PTPRR: variants seen among roughly 807,000 people sequenced by gnomAD.
PTPRR encodes protein tyrosine phosphatase receptor type R, also known as receptor-type tyrosine-protein phosphatase R.
PTPRR carries 38 observed loss-of-function variants against 77.2 expected under a neutral mutation model. The ratio of observed to expected loss-of-function variants is 0.49; its 90% CI spans 0.38 to 0.65. PTPRR has a LOEUF of 0.65. PTPRR is among the 30% of genes least tolerant of loss of function. PTPRR has a pLI of 0.00. For synonymous variants in PTPRR, 299 were observed against 283.1 expected (o/e 1.06, Z -0.57); for missense variants, 744 against 799.2 (o/e 0.93, Z 0.83).
chr12:70,661,067 A>G lies in PTPRR; in HGVS notation c.1639T>C (p.Tyr547His). 6.2e-7 allele frequency: 1 copy of G among 1,612,520 alleles called. No homozygotes were observed. Among genetic ancestry groups the G allele is most frequent in the Non-Finnish European group, 8.5e-7 (1 of 1,179,228 alleles). ...TGATCAGGCCATGAGGTGTACCAGTAATGCTTCACATGTTGGGTGTGGCTT... is the reference window on the plus strand; with the variant it reads ...TGATCAGGCCATGAGGTGTACCAGTGATGCTTCACATGTTGGGTGTGGCTT... The part of the protein sequence containing the change: ...QGSHTQHVKH[Y>H]WYTSWPDHKT... The change falls in exon 12 of 14, where the codon TAC becomes CAC. Residue 547 changes from tyrosine (Y) to histidine (H), a missense_variant. This residue lies in a region of PTPRR where 170 missense variants were observed against 209.8 expected (regional missense o/e 0.81). Transcript: ENST00000283228.
In PTPRR at chr12:70,764,781, A is replaced by G. The variant is rs368679640; in HGVS notation, c.358-3T>C. On this transcript the variant is annotated splice_region_variant and splice_polypyrimidine_tract_variant and intron_variant, in intron 2 of 13. Transcript: ENST00000283228. ...TTGTTTACATCCATTTGCAGTGTCT[A>G]GAAAATAAGGACAAAAATAAATCCA... The G allele has an allele frequency of 1.2e-6, 2 of 1,603,064 alleles. No homozygotes were observed. The highest frequency in any genetic ancestry group is 1.7e-6 in the Non-Finnish European group (2 of 1,169,890).
At chr12:70,809,826 A>G (rs1891778212) in intron 2 of PTPRR, among the ~76,000 whole-genome samples, 1 of 152,192 alleles carries the variant, frequency 6.6e-6, no homozygotes, top group South Asian at 2.1e-4. Flanking sequence ...TGACCACTAA[A>G]TAAACATTAT....
intron 1 of PTPRR, among the ~76,000 whole-genome samples, chr12:70,905,894 T>C (rs367976726): frequency 6.6e-6 from 1 of 151,958 alleles, no homozygotes; most frequent in South Asian, 2.1e-4. Context: ...CAATCATTGT[T>C]TTGTTAGGAA....
intron 6 of PTPRR, among the ~76,000 whole-genome samples, chr12:70,731,404 C>G (rs1450316586): frequency 6.6e-6 from 1 of 152,152 alleles, no homozygotes; most frequent in Admixed American, 6.5e-5. Context: ...GAGAAACTTG[C>G]AATCGCCTTG....
chr12:70,784,141 C>T (rs1173036957), intron 2 of PTPRR, among the ~76,000 whole-genome samples: 2 of 152,176 alleles, frequency 1.3e-5, no homozygotes, highest in Non-Finnish European at 2.9e-5. Context: ...CCTAGATCCG[C>T]AGCCCTGACT....
At chr12:70,799,190 G>T (rs1413526424) in intron 2 of PTPRR, among the ~76,000 whole-genome samples, 1 of 152,036 alleles carries the variant, frequency 6.6e-6, no homozygotes, top group Non-Finnish European at 1.5e-5. Flanking sequence ...ATAGCTTAAA[G>T]TACACCATTT....
chr12:70,714,134 A>G (rs1159984639), intron 6 of PTPRR, among the ~76,000 whole-genome samples: 1 of 152,146 alleles, frequency 6.6e-6, no homozygotes, highest in Non-Finnish European at 1.5e-5. Context: ...TGCCTACATT[A>G]TTATTCAAAT....
At chr12:70,669,703 T>C (rs898744574) in intron 10 of PTPRR, among the ~76,000 whole-genome samples, 2 of 152,048 alleles carry the variant, frequency 1.3e-5, no homozygotes, top group African/African-American at 4.8e-5. Flanking sequence ...TAGCTGGGGC[T>C]ACATTTGTAC....
At chr12:70,688,372 T>C (rs1887944394) in intron 8 of PTPRR, among the ~76,000 whole-genome samples, 1 of 152,068 alleles carries the variant, frequency 6.6e-6, no homozygotes, top group Admixed American at 6.6e-5. Context: ...ATAATCGTAT[T>C]AGAAAAGGGA....
chr12:70,718,329 G>C (rs752067866), intron 6 of PTPRR, among the ~76,000 whole-genome samples: 1 of 151,618 alleles, frequency 6.6e-6, no homozygotes, highest in Non-Finnish European at 1.5e-5. Context: ...GCAATAGCAC[G>C]ATCTCAGCTC....
At chr12:70,891,047 T>C (rs1417455291) in intron 2 of PTPRR, among the ~76,000 whole-genome samples, 1 of 152,124 alleles carries the variant, frequency 6.6e-6, no homozygotes, top group Non-Finnish European at 1.5e-5. Flanking sequence ...GCAATTGGTG[T>C]TGCCAGCTAC....
At chr12:70,861,765 G>A (rs955831233) in intron 2 of PTPRR, among the ~76,000 whole-genome samples, 5 of 152,076 alleles carry the variant, frequency 3.3e-5, no homozygotes, top group African/African-American at 1.2e-4. Context: ...TATTGTTAAA[G>A]GGCCATCAAT....
intron 1 of PTPRR, among the ~76,000 whole-genome samples, chr12:70,904,421 C>T (rs11178482): frequency 0.033 from 5,058 of 151,826 alleles, 272 homozygotes; most frequent in East Asian, 0.17. Flanking sequence ...ATATAAAAGG[C>T]ATTAAGTTGA....
chr12:70,729,835 G>GA lies in PTPRR; in HGVS notation c.1007+15982dup, dbSNP rs949216382. ...CTTATGAAGAATCATAATGATTTAA[G>GA]AAAAAAAAAACCTGAGGAGTCCAAT... On this transcript the variant is annotated intron_variant, in intron 6 of 13. Transcript: ENST00000283228. Among the ~76,000 whole-genome samples, 251 of 146,336 alleles carry GA rather than the reference G, an allele frequency of 1.7e-3. 1 individual carries two copies. Among genetic ancestry groups the GA allele is most frequent in the Admixed American group, 3.8e-3 (56 of 14,794 alleles).
intron 2 of PTPRR, among the ~76,000 whole-genome samples, chr12:70,807,913 G>A (rs7315237): frequency 2.6e-5 from 4 of 152,092 alleles, no homozygotes; most frequent in Non-Finnish European, 4.4e-5. Context: ...GGATAACAGC[G>A]ATTTTCAGGG....
At chr12:70,699,895 T>C (rs1888358839) in intron 7 of PTPRR, among the ~76,000 whole-genome samples, 1 of 152,206 alleles carries the variant, frequency 6.6e-6, no homozygotes, top group African/African-American at 2.4e-5. Flanking sequence ...TCTGTCATCT[T>C]CCAGCATTCT....
chr12:70,646,715 T>G (rs1886213198), intron 13 of PTPRR, among the ~76,000 whole-genome samples: 1 of 152,228 alleles, frequency 6.6e-6, no homozygotes, highest in African/African-American at 2.4e-5. Context: ...ATTCCTGATC[T>G]TCAAATGAGA....
intron 5 of PTPRR, among the ~76,000 whole-genome samples, chr12:70,751,968 G>A (rs1405533524): frequency 6.6e-6 from 1 of 152,086 alleles, no homozygotes; most frequent in Non-Finnish European, 1.5e-5. Context: ...TAGTTTCACT[G>A]CCCTAAAATC....
intron 6 of PTPRR, among the ~76,000 whole-genome samples, chr12:70,709,606 T>G (rs1888748263): frequency 6.6e-6 from 1 of 152,014 alleles, no homozygotes; most frequent in Non-Finnish European, 1.5e-5. Flanking sequence ...CCCAGAAGCT[T>G]CTGAAGCGAA....
Sources: gnomAD v4.1 joint callset for allele counts (sites outside exome capture counted in the v4.1 genomes callset) on GRCh38, gnomAD v4.1.1 for gene constraint, gnomAD v4.1.1 regional missense constraint, MANE v1.5 for transcripts, NCBI Gene and HGNC (gene_info 2026-07-23, HGNC 2026-07-21) for gene names.